CEP112: variants seen among roughly 807,000 people sequenced by gnomAD.
CEP112 encodes the protein centrosomal protein of 112 kDa.
A neutral mutation model predicts 153.0 loss-of-function variants in CEP112; 127 were observed. That is an observed-to-expected ratio of 0.83 (90% CI 0.72 to 0.96). The LOEUF is 0.96. Ranked by LOEUF, CEP112 falls within the 40% of genes least tolerant of loss-of-function variation. CEP112 has a pLI of 0.00. For synonymous variants in CEP112, 358 were observed against 374.4 expected (o/e 0.96, Z 0.51); for missense variants, 1,089 against 1,101.2 (o/e 0.99, Z 0.16).
chr17:66,153,220 T>A (rs766551361), intron 4 of CEP112, among the ~76,000 whole-genome samples: 26 of 152,082 alleles, frequency 1.7e-4, no homozygotes, highest in Non-Finnish European at 2.9e-4. Flanking sequence ...TATGTCCGAA[T>A]AAAAATTTGC....
At chr17:65,704,264 T>A (rs1161291126) in intron 23 of CEP112, among the ~76,000 whole-genome samples, 1 of 152,108 alleles carries the variant, frequency 6.6e-6, no homozygotes, top group Non-Finnish European at 1.5e-5. Context: ...ACACCTTGAC[T>A]TCGGACTTGT....
In CEP112 at chr17:66,066,868, T is replaced by C; in HGVS notation, c.865A>G (p.Arg289Gly). 6.5e-7 allele frequency: 1 copy of C among 1,533,154 alleles called. No individual in the cohort carries two copies. The highest frequency in any genetic ancestry group is 1.4e-5 in the African/African-American group (1 of 71,130). 95.0% of individuals were successfully genotyped at this position (1,533,154 alleles called of 1,614,324 possible). A position where few individuals can be genotyped will look rare whatever the true frequency, so the allele number is the denominator to read the frequency against. The change falls in exon 10 of 27, where the codon AGA (arginine) becomes GGA (glycine). Residue 289 changes from arginine (R) to glycine (G), a missense_variant. By Grantham distance (125) the Arg-to-Gly change is moderately radical (BLOSUM62 -2). Coordinates refer to ENST00000535342, the MANE Select transcript of CEP112 (RefSeq NM_001199165.4). Reference sequence around the variant, plus strand: ...AGTTCTTCTATTTCATTATTCTTTCTTTCTAAAATCTGCAAATAAATTTAA... The same window carrying C: ...AGTTCTTCTATTTCATTATTCTTTCCTTCTAAAATCTGCAAATAAATTTAA... ...HDADVQKILE[R>G]KNNEIEELKT...
chr17:65,972,297 C>A (rs2062870590), intron 17 of CEP112, among the ~76,000 whole-genome samples: 1 of 152,092 alleles, frequency 6.6e-6, no homozygotes, highest in Admixed American at 6.5e-5. Flanking sequence ...CTACACAGCC[C>A]ATGGACCAAA....
At chr17:66,164,814 C>T (rs2071869064) in intron 4 of CEP112, among the ~76,000 whole-genome samples, 1 of 151,450 alleles carries the variant, frequency 6.6e-6, no homozygotes, top group Non-Finnish European at 1.5e-5. Context: ...GAGATCGTGC[C>T]ATTGCACTCC....
At chr17:65,653,882 A>C (rs1366572012) in intron 24 of CEP112, among the ~76,000 whole-genome samples, 3 of 151,884 alleles carry the variant, frequency 2.0e-5, no homozygotes, top group Non-Finnish European at 4.4e-5. Context: ...AACATGGTGA[A>C]AACCCATCTC....
chr17:65,687,534 G>C (rs569963906), intron 24 of CEP112, among the ~76,000 whole-genome samples: 1 of 152,028 alleles, frequency 6.6e-6, no homozygotes, highest in Admixed American at 6.6e-5. Flanking sequence ...GTATTACATA[G>C]ACATTATATA....
At chr17:66,179,752 C>T (rs943394557) in intron 2 of CEP112, among the ~76,000 whole-genome samples, 2 of 152,112 alleles carry the variant, frequency 1.3e-5, no homozygotes, top group African/African-American at 2.4e-5. Context: ...AAGTGGTCAA[C>T]CTTGTTGTAT....
At chr17:66,183,863 T>C (rs1028734989) in intron 1 of CEP112, among the ~76,000 whole-genome samples, 3 of 152,164 alleles carry the variant, frequency 2.0e-5, no homozygotes, top group Non-Finnish European at 4.4e-5. Flanking sequence ...TGTAAAACTA[T>C]ACAACTCTTA....
chr17:65,817,088 C>T (rs940508510), intron 21 of CEP112, among the ~76,000 whole-genome samples: 4 of 151,620 alleles, frequency 2.6e-5, no homozygotes, highest in Non-Finnish European at 5.9e-5. Flanking sequence ...TTTTTTTCTG[C>T]CTCACTTAAA....
intron 12 of CEP112, among the ~76,000 whole-genome samples, chr17:66,049,720 C>A (rs2066360958): frequency 6.6e-6 from 1 of 152,162 alleles, no homozygotes; most frequent in Non-Finnish European, 1.5e-5. Context: ...CACTGCACTA[C>A]ATCTGGGCGA....
At chr17:65,682,225 C>T (rs2047568394) in intron 24 of CEP112, among the ~76,000 whole-genome samples, 1 of 152,080 alleles carries the variant, frequency 6.6e-6, no homozygotes. Flanking sequence ...AGCTCCTGAT[C>T]TCGTAATCCA....
chr17:65,823,109 T>A (rs1351498774), intron 21 of CEP112, among the ~76,000 whole-genome samples: 1 of 152,088 alleles, frequency 6.6e-6, no homozygotes, highest in Non-Finnish European at 1.5e-5. Context: ...AAAACTCAAT[T>A]TCATTAAGAT....
intron 20 of CEP112, among the ~76,000 whole-genome samples, chr17:65,856,564 TA>T (rs1296599787): frequency 6.6e-6 from 1 of 152,196 alleles, no homozygotes; most frequent in Non-Finnish European, 1.5e-5. Flanking sequence ...CCAAAAGCCA[TA>T]AGTCCATAAT....
intron 8 of CEP112, among the ~76,000 whole-genome samples, chr17:66,076,650 A>T (rs1272458846): frequency 6.6e-6 from 1 of 151,862 alleles, no homozygotes; most frequent in Non-Finnish European, 1.5e-5. Context: ...AAGGGCACAT[A>T]CTCTTGGGAG....
At chr17:66,045,360 A>G (rs1000493185) in intron 12 of CEP112, among the ~76,000 whole-genome samples, 3 of 152,156 alleles carry the variant, frequency 2.0e-5, no homozygotes, top group African/African-American at 7.2e-5. Flanking sequence ...GTGAGCCACC[A>G]TGCCTGGCCA....
At chr17:65,990,987 G>A (rs562079684) in intron 17 of CEP112, among the ~76,000 whole-genome samples, 18 of 152,280 alleles carry the variant, frequency 1.2e-4, no homozygotes, top group Admixed American at 4.6e-4. Context: ...AAGAGCCTCT[G>A]GTCCCTGAAT....
chr17:65,763,194 G>A lies in CEP112; in HGVS notation c.2395-12470C>T, dbSNP rs192585815. ...TAATTCTCACCTCTCCTTTTTATAC[G>A]TAAGGTGTTTTTCTTTTCCCTCTGG... On this transcript the variant is annotated intron_variant, in intron 21 of 26. Coordinates refer to ENST00000535342, the MANE Select transcript of CEP112 (RefSeq NM_001199165.4). Among the ~76,000 whole-genome samples the A allele has an allele frequency of 5.3e-3, 811 of 152,004 alleles. 4 individuals are homozygous for A. Among genetic ancestry groups the A allele is most frequent in the Middle Eastern group, 0.02 (6 of 294 alleles).
chr17:65,734,243 G>T (rs1199171014), intron 23 of CEP112, among the ~76,000 whole-genome samples: 3 of 152,218 alleles, frequency 2.0e-5, no homozygotes, highest in Non-Finnish European at 2.9e-5. Flanking sequence ...AAAGGGAAAG[G>T]ATACTTTACA....
chr17:66,160,085 A>G (rs182716462), intron 4 of CEP112, among the ~76,000 whole-genome samples: 49 of 152,324 alleles, frequency 3.2e-4, no homozygotes, highest in Non-Finnish European at 5.4e-4. Flanking sequence ...GTGAATTCCC[A>G]TTCACAATTG....
Sources: allele counts gnomAD v4.1 joint callset (sites outside exome capture counted in the v4.1 genomes callset), GRCh38; gene constraint gnomAD v4.1.1; transcripts MANE v1.5; gene names NCBI Gene and HGNC (gene_info 2026-07-23, HGNC 2026-07-21).